The following EXOSC10 variants were observed in gnomAD, a reference collection of about 807,000 sequenced individuals.
EXOSC10 encodes exosome component 10, also known as exosome complex component 10.
A neutral mutation model predicts 126.6 loss-of-function variants in EXOSC10; 94 were observed. The observed-to-expected ratio is 0.74, with a 90% CI of 0.63 to 0.88. The LOEUF (loss-of-function observed/expected upper bound fraction) is 0.88. Ranked by LOEUF, EXOSC10 falls within the 40% of genes least tolerant of loss-of-function variation. EXOSC10 has a pLI of 0.00. For missense variants in EXOSC10, 1,041 were observed against 1,100.5 expected (o/e 0.95, Z 0.77); for synonymous variants, 395 against 400.8 (o/e 0.99, Z 0.17).
intron 9 of EXOSC10, among the ~76,000 whole-genome samples, chr1:11,084,402 G>GT (rs1381016781): frequency 6.6e-6 from 1 of 152,182 alleles, no homozygotes; most frequent in Non-Finnish European, 1.5e-5. Context: ...TTCTTCATGT[G>GT]TTTTTTGGCT....
In EXOSC10 at chr1:11,073,899, A is replaced by AAAAAAAAAAAAAAAAAAAAAG. The variant is rs377479487; in HGVS notation, c.2157+34_2157+35insCTTTTTTTTTTTTTTTTTTTT. 3 of 645,006 alleles carry AAAAAAAAAAAAAAAAAAAAAG rather than the reference A, an allele frequency of 4.7e-6. 1 individual carries two copies. Among genetic ancestry groups the AAAAAAAAAAAAAAAAAAAAAG allele is most frequent in the Non-Finnish European group, 7.0e-6 (3 of 427,884 alleles). 40.0% of individuals were successfully genotyped at this position (645,006 alleles called of 1,614,324 possible). A position where few individuals can be genotyped will look rare whatever the true frequency, so the allele number is the denominator to read the frequency against. ...TCTCAAAAAAAAAAAAAAAAAAAAA[A>AAAAAAAAAAAAAAAAAAAAAG]AGTCTCTTTTAGAACAGGTGACAAG... On this transcript the variant is annotated intron_variant, in intron 19 of 24. Transcript: ENST00000376936.
chr1:11,093,145 C>A (rs1178404762), intron 3 of EXOSC10, among the ~76,000 whole-genome samples: 3 of 152,062 alleles, frequency 2.0e-5, no homozygotes, highest in Non-Finnish European at 4.4e-5. Context: ...GTAATTAATG[C>A]ATTATTTGCT....
intron 20 of EXOSC10, chr1:11,071,824 G>T (rs868353225): frequency 2.5e-6 from 1 of 396,390 alleles, no homozygotes; most frequent in Non-Finnish European, 4.6e-6. Context: ...GTCACTGCAG[G>T]TCTCGTCAAT....
At chr1:11,075,311 G>A (rs762660265) in intron 17 of EXOSC10, among the ~76,000 whole-genome samples, 3 of 152,128 alleles carry the variant, frequency 2.0e-5, no homozygotes, top group African/African-American at 4.8e-5. Flanking sequence ...GAGCCACCAC[G>A]CCAGGCCTGA....
chr1:11,071,032 A>G (rs1570788552), intron 20 of EXOSC10, 59 bp from the exon 21 acceptor site: 24 of 1,512,862 alleles, frequency 1.6e-5, no homozygotes, highest in Non-Finnish European at 2.0e-5. Context: ...CCTCCCCTCC[A>G]TCTCCATCCC....
intron 17 of EXOSC10, 77 bp downstream of exon 17, chr1:11,076,765 G>A: frequency 8.8e-7 from 1 of 1,136,784 alleles, no homozygotes; most frequent in Non-Finnish European, 1.3e-6. Context: ...CAATGCTCCA[G>A]GCAGACAGCC....
In EXOSC10 at chr1:11,098,134, G is replaced by A. The variant is rs760137524; in HGVS notation, c.134C>T (p.Ala45Val). ...TAGGCCCCCAGATGCCTTGGTGACT[G>A]CCACCACGGACCCAAGAGCAAACTG... ...FVKFALGSVV[A>V]VTKASGGLPQ... Residue 45 changes from alanine to valine, a missense_variant, in exon 2 of 25, where the codon GCA (alanine) becomes GTA (valine). Transcript: ENST00000376936. 6.2e-7 allele frequency: 1 copy of A among 1,609,792 alleles called. No homozygotes were observed. Among genetic ancestry groups the A allele is most frequent in the Non-Finnish European group, 8.5e-7 (1 of 1,178,856 alleles).
At chr1:11,087,408 G>T in intron 9 of EXOSC10, 40 bp downstream of exon 9, 1 of 1,611,540 alleles carries the variant, frequency 6.2e-7, no homozygotes, top group Non-Finnish European at 8.5e-7. Context: ...TAAAAATCTT[G>T]TATGAGCTCA....
At position 11,077,189 on chromosome 1, in the gene EXOSC10, C is replaced by A. The variant is rs1472071922; in HGVS notation, c.1879+176G>T. The A allele has an allele frequency of 2.5e-5, 17 of 667,288 alleles. No homozygotes were observed. In the Admixed American group the frequency reaches 4.8e-4, roughly 19 times the overall value. The allele number at this position is 667,288 out of a possible 1,614,324, so 41.3% of individuals were successfully genotyped here. On this transcript the variant is annotated intron_variant, in intron 16 of 24. Transcript: ENST00000376936. ...TATTTTTAGTAGAGATGGGGTTTCA[C>A]CATGTTGGCCAGGCTGGTCTCAAAC...
chr1:11,080,475 A>G (rs755638926), intron 13 of EXOSC10, 24 bp downstream of exon 13: 32 of 1,613,480 alleles, frequency 2.0e-5, no homozygotes, highest in East Asian at 6.7e-5. Context: ...AAGTCAGAAC[A>G]TATTAATCAG....
chr1:11,071,871 G>A (rs1490193128), intron 20 of EXOSC10: 4 of 452,252 alleles, frequency 8.8e-6, no homozygotes, highest in Non-Finnish European at 1.6e-5. Context: ...AACCACCAAC[G>A]AGACAGCTAC....
Position 11,072,309 on chromosome 1 carries a change from G to A in EXOSC10, c.2158-138C>T, listed in dbSNP as rs1570792449. On this transcript the variant is annotated intron_variant, in intron 19 of 24. Transcript: ENST00000376936. ...TAAGTCATAAATTTTCAAATCTAAG[G>A]GCATGAAAAATAAATTTCATGCTGG... 2.3e-5 allele frequency: 14 copies of A among 621,132 alleles called. No individual in the cohort carries two copies. In the East Asian group the frequency reaches 3.8e-4, roughly 17 times the overall value. 38.5% of individuals were successfully genotyped at this position (621,132 alleles called of 1,614,324 possible).
chr1:11,074,347 C>T lies in EXOSC10; in HGVS notation c.1987-21G>A, dbSNP rs568591106. The T allele has an allele frequency of 1.0e-4, 157 of 1,530,588 alleles. 1 individual carries two copies. In the South Asian group the frequency reaches 1.5e-3, roughly 15 times the overall value. The allele number at this position is 1,530,588 out of a possible 1,614,324, so 94.8% of individuals were successfully genotyped here. On this transcript the variant is annotated intron_variant, in intron 17 of 24. Transcript: ENST00000376936. ...GGTTCCTGCAGGGACAGACAAAAAA[C>T]GATCACTAATGACCATGATCATCTG...
intron 5 of EXOSC10, 52 bp from the exon 6 acceptor site, chr1:11,090,720 TA>T (rs758627555): frequency 1.2e-5 from 16 of 1,353,030 alleles, no homozygotes; most frequent in Non-Finnish European, 1.5e-5. Context: ...ATGTCTTTTC[TA>T]ATTACACAGG....
rs1246705079 is a variant in EXOSC10, at chr1:11,080,786, G to A, written c.1564C>T (p.Arg522Cys). ...TACCCGTAACTTTCATCTTCCCTGC[G>A]AGCTGTTTTATCCCTCCAGGCAAAC... ...LLFAWRDKTA[R>C]REDESYGYVL... Residue 522 changes from arginine (R) to cysteine (C), a missense_variant, in exon 12 of 25, where the codon CGC becomes TGC. Arg to Cys is a radical substitution (Grantham distance 180). Transcript: ENST00000376936. 2 of 1,613,930 alleles carry A rather than the reference G, an allele frequency of 1.2e-6. No homozygotes were observed. The highest frequency in any genetic ancestry group is 1.7e-5 in the Admixed American group (1 of 59,970).
At chr1:11,092,652 G>A (rs1640870911) in intron 3 of EXOSC10, among the ~76,000 whole-genome samples, 1 of 151,636 alleles carries the variant, frequency 6.6e-6, no homozygotes, top group African/African-American at 2.4e-5. Context: ...CGAGTATCTG[G>A]GACTACAGGT....
intron 14 of EXOSC10, among the ~76,000 whole-genome samples, chr1:11,078,629 C>T (rs1000755478): frequency 2.0e-5 from 3 of 152,174 alleles, no homozygotes; most frequent in South Asian, 2.1e-4. Context: ...GCATTTGCTA[C>T]GAAGTCTCAT....
intron 1 of EXOSC10, among the ~76,000 whole-genome samples, chr1:11,098,608 C>T (rs1641248927): frequency 6.6e-6 from 1 of 152,152 alleles, no homozygotes; most frequent in African/African-American, 2.4e-5. Context: ...GTTATTATTA[C>T]GACTCAAGTT....
At position 11,080,563 on chromosome 1, in the gene EXOSC10, A is replaced by ACACACACACACAC. The variant is rs1553166014; in HGVS notation, c.1587-15_1587-14insGTGTGTGTGTGTG. ...GGCAGTACATATCTGGAAAAAAAAA[A>ACACACACACACAC]ACACACACACACACACACACACACA... On this transcript the variant is annotated splice_polypyrimidine_tract_variant and intron_variant, in intron 12 of 24. Transcript: ENST00000376936. The ACACACACACACAC allele has an allele frequency of 7.0e-6, 10 of 1,423,630 alleles. No homozygotes were observed. The African/African-American group carries it at 1.3e-4, about 19-fold the overall frequency. The allele number at this position is 1,423,630 out of a possible 1,614,324, so 88.2% of individuals were successfully genotyped here. A position where few individuals can be genotyped will look rare whatever the true frequency, so the allele number is the denominator to read the frequency against.
Sources: allele counts gnomAD v4.1 joint callset (sites outside exome capture counted in the v4.1 genomes callset), GRCh38; gene constraint gnomAD v4.1.1; transcripts MANE v1.5; gene names NCBI Gene and HGNC (gene_info 2026-07-23, HGNC 2026-07-21).